STX8: variants seen among roughly 807,000 people sequenced by gnomAD.
The protein encoded by STX8 is syntaxin 8, also known as syntaxin-8.
Under a neutral mutation model 37.5 loss-of-function variants are expected in STX8, and 23 were observed. The observed-to-expected ratio is 0.61, with a 90% CI of 0.44 to 0.87. STX8 has a LOEUF of 0.87. STX8 is among the 40% of genes least tolerant of loss of function. The pLI is 0.00. For missense variants in STX8, 313 were observed against 284.7 expected (o/e 1.10, Z -0.71); for synonymous variants, 115 against 99.1 (o/e 1.16, Z -0.95).
At chr17:9,523,290 C>G (rs552594503) in intron 4 of STX8, among the ~76,000 whole-genome samples, 2 of 132,660 alleles carry the variant, frequency 1.5e-5, no homozygotes, top group Non-Finnish European at 3.1e-5. Context: ...CCAGCCTGGG[C>G]AACAGAGCGA....
At chr17:9,526,456 G>A (rs1452001306) in intron 4 of STX8, among the ~76,000 whole-genome samples, 2 of 152,182 alleles carry the variant, frequency 1.3e-5, no homozygotes, top group Non-Finnish European at 2.9e-5. Context: ...AGGGGTGACT[G>A]TAATATATCA....
intron 6 of STX8, among the ~76,000 whole-genome samples, chr17:9,403,380 C>T (rs556984019): frequency 6.6e-6 from 1 of 152,294 alleles, no homozygotes; most frequent in African/African-American, 2.4e-5. Context: ...ATGACATTTA[C>T]ATAATCATAG....
intron 4 of STX8, among the ~76,000 whole-genome samples, chr17:9,522,539 TCCAA>T (rs1567596184): frequency 8.0e-5 from 9 of 112,520 alleles, no homozygotes; most frequent in Admixed American, 1.8e-4. Flanking sequence ...CTACTAAAAA[TCCAA>T]AAAAAAAAAA....
intron 3 of STX8, among the ~76,000 whole-genome samples, chr17:9,545,739 A>G (rs114578065): frequency 0.038 from 5,765 of 152,124 alleles, 384 homozygotes; most frequent in African/African-American, 0.13. Context: ...CACCACCACA[A>G]CCGGCTAAGT....
At chr17:9,286,560 C>T (rs1372150052) in intron 7 of STX8, among the ~76,000 whole-genome samples, 1 of 152,068 alleles carries the variant, frequency 6.6e-6, no homozygotes, top group Non-Finnish European at 1.5e-5. Flanking sequence ...AGTTTGATAG[C>T]TTGTAAGCTC....
At chr17:9,301,418 C>T (rs1389558950) in intron 7 of STX8, among the ~76,000 whole-genome samples, 1 of 151,890 alleles carries the variant, frequency 6.6e-6, no homozygotes, top group Non-Finnish European at 1.5e-5. Context: ...TCTTTGTACA[C>T]TTGAGATTAA....
chr17:9,364,825 C>T (rs575086819), intron 7 of STX8, among the ~76,000 whole-genome samples: 17 of 152,208 alleles, frequency 1.1e-4, no homozygotes, highest in African/African-American at 3.6e-4. Context: ...TGAGCTACCG[C>T]GCCTGGCCGG....
In STX8 at chr17:9,313,649, G is replaced by A. The variant is rs529086830; in HGVS notation, c.644-63004C>T. ...TTCTATCTCTAAGTCTTTTTGAGAC[G>A]GAGTCTCGCTTCTGTCGCCCAGGCT... On this transcript the variant is annotated intron_variant, in intron 7 of 7. Transcript: ENST00000306357. 4.6e-5 allele frequency among the ~76,000 whole-genome samples: 7 copies of A among 152,266 alleles called. No individual in the cohort carries two copies. The East Asian group carries it at 9.6e-4, about 21-fold the overall frequency.
At chr17:9,491,479 C>T (rs996238383) in intron 6 of STX8, among the ~76,000 whole-genome samples, 3 of 152,152 alleles carry the variant, frequency 2.0e-5, no homozygotes, top group Non-Finnish European at 2.9e-5. Flanking sequence ...CAAACTCCAC[C>T]GGGTGTGGGG....
chr17:9,315,313 C>T (rs1224842354), intron 7 of STX8, among the ~76,000 whole-genome samples: 1 of 151,924 alleles, frequency 6.6e-6, no homozygotes, highest in Non-Finnish European at 1.5e-5. Flanking sequence ...AAACAAGCAG[C>T]CCTTTTGAGA....
chr17:9,391,757 G>T (rs1242842825), intron 6 of STX8, among the ~76,000 whole-genome samples: 1 of 151,856 alleles, frequency 6.6e-6, no homozygotes, highest in Non-Finnish European at 1.5e-5. Context: ...ATATAGATGG[G>T]AAGCATATGG....
chr17:9,508,586 C>T lies in STX8; in HGVS notation c.324-3424G>A, dbSNP rs560496720. ...TCAAGTGATCTGCCCGCCTTGGCCT[C>T]CCAAAGTGCCAGGATTACAGGTGTG... On this transcript the variant is annotated intron_variant, in intron 4 of 7. Coordinates refer to ENST00000306357, the MANE Select transcript of STX8 (RefSeq NM_004853.3). Among the ~76,000 whole-genome samples the T allele has an allele frequency of 2.6e-5, 4 of 152,290 alleles. No homozygotes were observed. In the South Asian group the frequency reaches 8.3e-4, roughly 32 times the overall value.
intron 6 of STX8, among the ~76,000 whole-genome samples, chr17:9,486,281 C>T (rs1365297393): frequency 6.6e-6 from 1 of 152,146 alleles, no homozygotes; most frequent in Non-Finnish European, 1.5e-5. Flanking sequence ...AAAGGAGAGC[C>T]TGGGACATTT....
intron 7 of STX8, among the ~76,000 whole-genome samples, chr17:9,262,322 C>T (rs2142128528): frequency 6.6e-6 from 1 of 152,242 alleles, no homozygotes; most frequent in South Asian, 2.1e-4. Flanking sequence ...CAAGTGAGGC[C>T]AACAAGGTTC....
intron 2 of STX8, among the ~76,000 whole-genome samples, chr17:9,567,434 C>T (rs938789829): frequency 1.3e-4 from 20 of 152,170 alleles, no homozygotes; most frequent in Non-Finnish European, 2.6e-4. Flanking sequence ...AAACCATTTT[C>T]TGTAAACTGT....
chr17:9,571,932 A>T (rs1314538353), intron 1 of STX8, among the ~76,000 whole-genome samples: 2 of 151,812 alleles, frequency 1.3e-5, no homozygotes, highest in South Asian at 2.1e-4. Flanking sequence ...AAAAAAAAAA[A>T]GGTGTGGAGG....
chr17:9,312,727 A>C (rs1909235561), intron 7 of STX8, among the ~76,000 whole-genome samples: 1 of 152,192 alleles, frequency 6.6e-6, no homozygotes, highest in African/African-American at 2.4e-5. Context: ...GTGGAATGAC[A>C]GGTGGTTACA....
At chr17:9,255,833 G>T (rs11871171) in intron 7 of STX8, among the ~76,000 whole-genome samples, 31,977 of 152,176 alleles carry the variant, frequency 0.21, 3,554 homozygotes, top group Middle Eastern at 0.29. Flanking sequence ...AAAGCCAACT[G>T]CTGTCTTTTG....
At chr17:9,292,407 C>T (rs976776470) in intron 7 of STX8, among the ~76,000 whole-genome samples, 2 of 152,180 alleles carry the variant, frequency 1.3e-5, no homozygotes, top group Admixed American at 6.6e-5. Context: ...AGTGGGTTCC[C>T]AGTTCAGAGA....
Sources: allele counts gnomAD v4.1 joint callset (sites outside exome capture counted in the v4.1 genomes callset), GRCh38; gene constraint gnomAD v4.1.1; transcripts MANE v1.5; gene names NCBI Gene and HGNC (gene_info 2026-07-23, HGNC 2026-07-21).